DENND1A: variants seen among roughly 807,000 people sequenced by gnomAD.
DENND1A encodes DENN domain-containing protein 1A.
A neutral mutation model predicts 113.7 loss-of-function variants in DENND1A; 51 were observed. The observed-to-expected ratio is 0.45, with a 90% CI of 0.36 to 0.57. The LOEUF (loss-of-function observed/expected upper bound fraction) is 0.57, where lower values mean the gene tolerates loss of function less well. DENND1A is among the 20% of genes least tolerant of loss of function. The probability of loss-of-function intolerance (pLI) is 0.00; values close to 1 mark genes in which losing one functional copy is unlikely to be tolerated. For synonymous variants in DENND1A, 565 were observed against 570.8 expected, an observed-to-expected ratio of 0.99 and a Z score of 0.14; for missense variants, 1,258 against 1,395.9, an observed-to-expected ratio of 0.90 and a Z score of 1.57.
At chr9:123,872,280 A>T (rs779853300) in intron 2 of DENND1A, among the ~76,000 whole-genome samples, 2 of 152,246 alleles carry the variant, frequency 1.3e-5, no homozygotes, top group Non-Finnish European at 2.9e-5. Flanking sequence ...GACAAGCATT[A>T]TACACAAAGA....
At chr9:123,583,918 A>G (rs1207565686) in intron 11 of DENND1A, among the ~76,000 whole-genome samples, 2 of 152,236 alleles carry the variant, frequency 1.3e-5, no homozygotes, top group African/African-American at 4.8e-5. Context: ...CAAGGTTTTC[A>G]TGCTTGGTGA....
intron 1 of DENND1A, among the ~76,000 whole-genome samples, chr9:123,883,363 G>A (rs992986449): frequency 6.6e-6 from 1 of 152,198 alleles, no homozygotes; most frequent in African/African-American, 2.4e-5. Context: ...AAAGAATAGA[G>A]TTGCCTTCCT....
intron 11 of DENND1A, among the ~76,000 whole-genome samples, chr9:123,592,896 A>AT (rs2137101131): frequency 6.6e-6 from 1 of 152,354 alleles, no homozygotes; most frequent in African/African-American, 2.4e-5. Flanking sequence ...TCACCAGGTT[A>AT]TTTTGGCAAT....
At position 123,740,391 on chromosome 9, in the gene DENND1A, C is replaced by A. The variant is rs149400868; in HGVS notation, c.302+17312G>T. Among the ~76,000 whole-genome samples the A allele has an allele frequency of 3.3e-5, 5 of 152,284 alleles. No homozygotes were observed. In the East Asian group the frequency reaches 9.6e-4, roughly 29 times the overall value. ...ACAGGTACAGAAGATAAGCATTAAA[C>A]AACTCCCATAGGCTATTATAAATCT... is the stretch of plus-strand genomic sequence containing the variant. On this transcript the variant is annotated intron_variant, in intron 5 of 23. Transcript: ENST00000394215.
chr9:123,755,121 A>ATTT (rs59565749), intron 5 of DENND1A, among the ~76,000 whole-genome samples: 6 of 132,822 alleles, frequency 4.5e-5, no homozygotes, highest in Non-Finnish European at 4.8e-5. Flanking sequence ...TTATACACAG[A>ATTT]TTTTTTTTTT....
At chr9:123,588,101 C>T (rs937898578) in intron 11 of DENND1A, among the ~76,000 whole-genome samples, 11 of 150,742 alleles carry the variant, frequency 7.3e-5, no homozygotes, top group African/African-American at 2.7e-4. Flanking sequence ...AATGGAGAAA[C>T]CCCATCTCTA....
At chr9:123,704,795 G>T (rs2066086857) in intron 5 of DENND1A, among the ~76,000 whole-genome samples, 1 of 151,990 alleles carries the variant, frequency 6.6e-6, no homozygotes, top group African/African-American at 2.4e-5. Context: ...AGAACCAAAT[G>T]GAATATCACA....
At chr9:123,499,159 G>T (rs1406007252) in intron 13 of DENND1A, among the ~76,000 whole-genome samples, 4 of 149,608 alleles carry the variant, frequency 2.7e-5, no homozygotes. Context: ...TCAGCCTCCC[G>T]AGTAGCTGGG....
At chr9:123,820,611 A>G (rs971205181) in intron 2 of DENND1A, among the ~76,000 whole-genome samples, 14 of 152,208 alleles carry the variant, frequency 9.2e-5, no homozygotes, top group African/African-American at 3.4e-4. Flanking sequence ...GAAGCATGAG[A>G]GATAATAAAT....
chr9:123,736,807 T>C (rs2068598069), intron 5 of DENND1A, among the ~76,000 whole-genome samples: 2 of 152,212 alleles, frequency 1.3e-5, no homozygotes, highest in African/African-American at 4.8e-5. Context: ...ACAACCCTCA[T>C]TTTTCAGATG....
chr9:123,765,559 T>C (rs1828654685), intron 4 of DENND1A, among the ~76,000 whole-genome samples: 1 of 152,228 alleles, frequency 6.6e-6, no homozygotes, highest in South Asian at 2.1e-4. Context: ...TGTGTGCCAG[T>C]ATAATTTACA....
chr9:123,850,926 G>A (rs1055041555), intron 2 of DENND1A, among the ~76,000 whole-genome samples: 2 of 151,336 alleles, frequency 1.3e-5, no homozygotes, highest in African/African-American at 4.9e-5. Context: ...CAAAAGAAAG[G>A]AATAAAAAAA....
intron 5 of DENND1A, among the ~76,000 whole-genome samples, chr9:123,740,503 A>G (rs891357748): frequency 6.6e-6 from 1 of 152,190 alleles, no homozygotes; most frequent in African/African-American, 2.4e-5. Flanking sequence ...AGATCTGTAG[A>G]GGTAGCAAAG....
intron 19 of DENND1A, among the ~76,000 whole-genome samples, chr9:123,421,203 C>G (rs1235639111): frequency 6.8e-6 from 1 of 146,732 alleles, no homozygotes; most frequent in Non-Finnish European, 1.5e-5. Flanking sequence ...CTGACACTTG[C>G]TAGGTACCAG....
At chr9:123,519,387 G>T (rs2054202982) in intron 13 of DENND1A, among the ~76,000 whole-genome samples, 1 of 151,990 alleles carries the variant, frequency 6.6e-6, no homozygotes, top group Non-Finnish European at 1.5e-5. Context: ...CCTCCATGAG[G>T]CTGACTCTTT....
chr9:123,603,213 A>C (rs1012125681), intron 11 of DENND1A, among the ~76,000 whole-genome samples: 1 of 152,274 alleles, frequency 6.6e-6, no homozygotes, highest in East Asian at 1.9e-4. Flanking sequence ...GGAAAAATGA[A>C]AAGAAAAAAC....
At chr9:123,720,301 G>C (rs1589802071) in intron 5 of DENND1A, among the ~76,000 whole-genome samples, 1 of 152,266 alleles carries the variant, frequency 6.6e-6, no homozygotes. Context: ...AGAAGAGGCA[G>C]CTGCCTCAGC....
intron 13 of DENND1A, among the ~76,000 whole-genome samples, chr9:123,478,221 T>C (rs1334470191): frequency 1.3e-5 from 2 of 152,196 alleles, no homozygotes; most frequent in East Asian, 3.8e-4. Flanking sequence ...TCTGCAGAAA[T>C]CCACCATGAG....
intron 5 of DENND1A, among the ~76,000 whole-genome samples, chr9:123,748,279 A>G (rs1019741264): frequency 3.3e-5 from 5 of 152,234 alleles, no homozygotes; most frequent in African/African-American, 1.2e-4. Flanking sequence ...AGTCATTATC[A>G]GCATGGTGGG....
Sources: allele counts gnomAD v4.1 joint callset (sites outside exome capture counted in the v4.1 genomes callset), GRCh38; gene constraint gnomAD v4.1.1; transcripts MANE v1.5; gene names NCBI Gene and HGNC (gene_info 2026-07-23, HGNC 2026-07-21).